Variants in CFAP45 observed in about 807,000 individuals in gnomAD.
The protein encoded by CFAP45 is cilia and flagella associated protein 45, also known as cilia- and flagella-associated protein 45.
A neutral mutation model predicts 75.6 loss-of-function variants in CFAP45; 43 were observed. The ratio of observed to expected loss-of-function variants is 0.57; its 90% CI spans 0.45 to 0.73. The LOEUF (loss-of-function observed/expected upper bound fraction) is 0.73. CFAP45 is among the 30% of genes least tolerant of loss of function. The pLI, the probability that CFAP45 is intolerant of heterozygous loss-of-function variation, is 0.00. For missense variants in CFAP45, 689 were observed against 701.5 expected (o/e 0.98, Z 0.20); for synonymous variants, 223 against 244.6 (o/e 0.91, Z 0.82).
chr1:159,879,476 T>C (rs1571180782), intron 8 of CFAP45, among the ~76,000 whole-genome samples: 1 of 152,192 alleles, frequency 6.6e-6, no homozygotes, highest in South Asian at 2.1e-4. Context: ...ATTGTAAAGA[T>C]TAAAAGAGAT....
chr1:159,898,076 A>G (rs4656858), intron 1 of CFAP45: 373,334 of 979,930 alleles, frequency 0.38, 74,977 homozygotes, highest in Admixed American at 0.41. Context: ...CCATTCTGAG[A>G]TCTAGTTCTT....
At chr1:159,881,609 T>C (rs548257536) in intron 7 of CFAP45, among the ~76,000 whole-genome samples, 1 of 152,216 alleles carries the variant, frequency 6.6e-6, no homozygotes, top group East Asian at 1.9e-4. Context: ...GCAGGAAAGG[T>C]AGGACCAAAG....
At position 159,886,538 on chromosome 1, in the gene CFAP45, T is replaced by C; in HGVS notation, c.740A>G (p.Glu247Gly). ...QKSIQRQEEL[E>G]RKRREERIRG... ...AATTCTTTCCTCCCTCCTCTTCCTCTCCAGTTCCTCCTGCCTTTGAATGGA... is the reference window on the plus strand; with the variant it reads ...AATTCTTTCCTCCCTCCTCTTCCTCCCCAGTTCCTCCTGCCTTTGAATGGA... The change falls in exon 6 of 12, where the codon GAG becomes GGG. Residue 247 changes from glutamate (E) to glycine (G), a missense_variant. By Grantham distance (98) the Glu-to-Gly change is moderately conservative. Coordinates refer to ENST00000368099, the MANE Select transcript of CFAP45 (RefSeq NM_012337.3). 6.2e-7 allele frequency: 1 copy of C among 1,614,186 alleles called. No homozygotes were observed. The highest frequency in any genetic ancestry group is 1.1e-5 in the South Asian group (1 of 91,088).
At chr1:159,882,143 C>T (rs1262053151) in intron 7 of CFAP45, among the ~76,000 whole-genome samples, 5 of 152,192 alleles carry the variant, frequency 3.3e-5, no homozygotes, top group South Asian at 2.1e-4. Context: ...CCATGTGGTG[C>T]GTGAGTCACA....
Position 159,898,047 on chromosome 1 carries a change from C to T in CFAP45, c.3+2049G>A, listed in dbSNP as rs766724358. On this transcript the variant is annotated intron_variant, in intron 1 of 11. Transcript: ENST00000368099. Reference sequence around the variant, plus strand: ...GTTGACATGTTCAGGAAAGATATGTCTTTTCCTAGATGTCTTACCCATTCT... The same window carrying T: ...GTTGACATGTTCAGGAAAGATATGTTTTTTCCTAGATGTCTTACCCATTCT... The T allele has an allele frequency of 4.1e-5, 38 of 931,614 alleles. 1 individual carries two copies. Among genetic ancestry groups the T allele is most frequent in the Non-Finnish European group, 4.5e-5 (35 of 780,656 alleles). 57.7% of individuals were successfully genotyped at this position (931,614 alleles called of 1,614,324 possible).
intron 7 of CFAP45, among the ~76,000 whole-genome samples, chr1:159,881,611 G>A (rs185729293): frequency 2.4e-3 from 359 of 152,312 alleles, no homozygotes; most frequent in African/African-American, 8.3e-3. Flanking sequence ...AGGAAAGGTA[G>A]GACCAAAGTG....
rs186231882 is a variant in CFAP45, at chr1:159,872,514, T to C, written c.1627A>G (p.Asn543Asp). The change falls in exon 12 of 12, where the codon AAC (asparagine) becomes GAC (aspartate). Residue 543 changes from asparagine to aspartate, a missense_variant. Coordinates refer to ENST00000368099, the MANE Select transcript of CFAP45 (RefSeq NM_012337.3). Reference protein sequence around the residue: ...KYCIEAERKANILPATSVN With the variant: ...KYCIEAERKADILPATSVN ...TTCACAGAGGTAGCTGGCAGGATGT[T>C]AGCTTTGCGCTCAGCTTCAATGCAG... 2.9e-4 allele frequency: 466 copies of C among 1,614,150 alleles called. 6 individuals carry two copies. In the Admixed American group the frequency reaches 7.5e-3, roughly 26 times the overall value.
At position 159,872,453 on chromosome 1, in the gene CFAP45, C is replaced by G. The variant is rs372220283; in HGVS notation, c.*32G>C. 6.3e-7 allele frequency: 1 copy of G among 1,575,752 alleles called. No individual in the cohort carries two copies. Among genetic ancestry groups the G allele is most frequent in the Admixed American group, 1.7e-5 (1 of 59,958 alleles). ...CAGAGACTGGGCAGAATCTGTCCCC[C>G]GAAGGCATCCTGAGGGCCACGAAGG... On this transcript the variant is annotated 3_prime_UTR_variant, in exon 12 of 12. Transcript: ENST00000368099.
At chr1:159,891,080 A>G (rs66622578) in intron 2 of CFAP45, among the ~76,000 whole-genome samples, 15,246 of 152,186 alleles carry the variant, frequency 0.1, 1,027 homozygotes, top group African/African-American at 0.19. Context: ...TTCTGAAAAC[A>G]AGTCTCTTGT....
Position 159,900,122 on chromosome 1 carries a change from C to G in CFAP45, c.-24G>C. 1 of 1,614,184 alleles carries G rather than the reference C, an allele frequency of 6.2e-7. No individual in the cohort carries two copies. Among genetic ancestry groups the G allele is most frequent in the Non-Finnish European group, 8.5e-7 (1 of 1,180,020 alleles). Reference sequence around the variant, plus strand: ...ATCTCCTCAGCCACACGCCCTGACTCCGGACTTCTGCTGCCGCCTCGGCGC... The same window carrying G: ...ATCTCCTCAGCCACACGCCCTGACTGCGGACTTCTGCTGCCGCCTCGGCGC... On this transcript the variant is annotated 5_prime_UTR_variant, in exon 1 of 12. Transcript: ENST00000368099.
intron 10 of CFAP45, chr1:159,873,547 C>T (rs1049370592): frequency 1.6e-4 from 34 of 216,244 alleles, no homozygotes; most frequent in Non-Finnish European, 2.4e-4. Flanking sequence ...CATAGCTCAC[C>T]GCAGCCTCAA....
At position 159,875,595 on chromosome 1, in the gene CFAP45, C is replaced by T. The variant is rs188325756; in HGVS notation, c.1352+961G>A. 2.2e-3 allele frequency among the ~76,000 whole-genome samples: 332 copies of T among 152,308 alleles called. 2 individuals carry two copies. The highest frequency in any genetic ancestry group is 4.4e-3 in the Admixed American group (68 of 15,300). ...AGAGGAAGGACTTAGAGCATATGAACCAAGAAAGTGATGCTATACTGTTTA... is the reference window on the plus strand; with the variant it reads ...AGAGGAAGGACTTAGAGCATATGAATCAAGAAAGTGATGCTATACTGTTTA... On this transcript the variant is annotated intron_variant, in intron 10 of 11. Transcript: ENST00000368099.
At chr1:159,881,875 C>A (rs1299270125) in intron 7 of CFAP45, among the ~76,000 whole-genome samples, 2 of 152,216 alleles carry the variant, frequency 1.3e-5, no homozygotes, top group African/African-American at 4.8e-5. Context: ...TCCTTAAGTT[C>A]TTCTATTGAT....
At chr1:159,895,999 C>T (rs1029227135) in intron 1 of CFAP45, among the ~76,000 whole-genome samples, 31 of 152,316 alleles carry the variant, frequency 2.0e-4, no homozygotes, top group South Asian at 1.4e-3. Context: ...GATACTTTTC[C>T]GGAATACAAC....
At chr1:159,897,059 T>C (rs982324246) in intron 1 of CFAP45, among the ~76,000 whole-genome samples, 1 of 150,620 alleles carries the variant, frequency 6.6e-6, no homozygotes, top group African/African-American at 2.5e-5. Context: ...AACTCAGGAG[T>C]TCAAGACCAG....
At chr1:159,894,580 T>C (rs1649909436) in intron 1 of CFAP45, among the ~76,000 whole-genome samples, 1 of 152,202 alleles carries the variant, frequency 6.6e-6, no homozygotes. Flanking sequence ...CAGTTCATAA[T>C]ACCCACTATT....
intron 6 of CFAP45, 37 bp downstream of exon 6, chr1:159,886,474 T>C (rs1312997196): frequency 6.3e-7 from 1 of 1,577,826 alleles, no homozygotes; most frequent in South Asian, 1.1e-5. Context: ...TACATGGAAA[T>C]AGCTTAGAGA....
At chr1:159,881,241 CTG>C (rs1649543814) in intron 7 of CFAP45, among the ~76,000 whole-genome samples, 2 of 152,216 alleles carry the variant, frequency 1.3e-5, no homozygotes, top group Admixed American at 1.3e-4. Flanking sequence ...AATAAAGAAA[CTG>C]AGGCCCAGCA....
intron 1 of CFAP45, among the ~76,000 whole-genome samples, chr1:159,899,668 T>C (rs888390635): frequency 4.6e-5 from 7 of 151,388 alleles, no homozygotes; most frequent in African/African-American, 7.3e-5. Flanking sequence ...GGGGTTTCAC[T>C]GTGTTAGCCA....
Sources: allele counts gnomAD v4.1 joint callset (sites outside exome capture counted in the v4.1 genomes callset), GRCh38; gene constraint gnomAD v4.1.1; transcripts MANE v1.5; gene names NCBI Gene and HGNC (gene_info 2026-07-23, HGNC 2026-07-21).